Variants in HSCB observed in about 807,000 individuals in gnomAD.
The protein encoded by HSCB is HscB mitochondrial iron-sulfur cluster cochaperone.
A neutral mutation model predicts 31.3 loss-of-function variants in HSCB; 23 were observed. That is an observed-to-expected ratio of 0.74 (90% CI 0.53 to 1.04). HSCB has a LOEUF of 1.04. Among genes scored for constraint, HSCB ranks in the 50% least tolerant of loss-of-function variants. HSCB has a pLI of 0.00. For missense variants in HSCB, 297 were observed against 288.1 expected (o/e 1.03, Z -0.22); for synonymous variants, 110 against 104.5 (o/e 1.05, Z -0.32).
At chr22:28,754,426 T>C (rs1425930731) in intron 5 of HSCB, among the ~76,000 whole-genome samples, 1 of 151,972 alleles carries the variant, frequency 6.6e-6, no homozygotes, top group Non-Finnish European at 1.5e-5. Flanking sequence ...TCCCAGCACT[T>C]TGAGAGACTG....
chr22:28,749,858 T>C (rs1171285448), intron 4 of HSCB, among the ~76,000 whole-genome samples: 1 of 152,094 alleles, frequency 6.6e-6, no homozygotes, highest in Non-Finnish European at 1.5e-5. Context: ...AACAAATGAC[T>C]TCATTCCTCT....
At chr22:28,756,966 A>T in intron 5 of HSCB, 112 bp from the exon 6 acceptor site, 1 of 722,886 alleles carries the variant, frequency 1.4e-6, no homozygotes, top group Non-Finnish European at 2.5e-6. Flanking sequence ...TGAGGAATTG[A>T]TGAGCCCTCC....
At chr22:28,751,449 T>A (rs573372794) in intron 5 of HSCB, among the ~76,000 whole-genome samples, 161 bp downstream of exon 5, 16 of 152,310 alleles carry the variant, frequency 1.1e-4, no homozygotes, top group Non-Finnish European at 7.4e-5. Flanking sequence ...AAAAAATGCC[T>A]TTAAGAATCT....
intron 4 of HSCB, among the ~76,000 whole-genome samples, chr22:28,748,149 C>T (rs1334660022): frequency 1.3e-5 from 2 of 152,188 alleles, no homozygotes; most frequent in Non-Finnish European, 2.9e-5. Flanking sequence ...TGTGCCACTG[C>T]ACTCCAGCCT....
At chr22:28,750,970 A>ATTTTT (rs2030201297) in intron 4 of HSCB, among the ~76,000 whole-genome samples, 1 of 24,740 alleles carries the variant, frequency 4.0e-5, no homozygotes, top group Admixed American at 4.5e-4. Flanking sequence ...TTTTTTTTTT[A>ATTTTT]CTGATTCTAT....
In HSCB at chr22:28,744,478, G is replaced by C; in HGVS notation, c.334-137G>C. 4.7e-6 allele frequency: 3 copies of C among 634,854 alleles called. No homozygotes were observed. In the Admixed American group the frequency reaches 7.6e-5, roughly 16 times the overall value. 39.3% of individuals were successfully genotyped at this position (634,854 alleles called of 1,614,324 possible). ...AAGGCAGGAGGATCACTTGAACGTGGGAGGTGGAGGTTGCAGTGAGCTGAG... is the reference window on the plus strand; with the variant it reads ...AAGGCAGGAGGATCACTTGAACGTGCGAGGTGGAGGTTGCAGTGAGCTGAG... On this transcript the variant is annotated intron_variant, in intron 2 of 5. Coordinates refer to ENST00000216027, the MANE Select transcript of HSCB (RefSeq NM_172002.5).
At chr22:28,743,781 A>G (rs927793221) in intron 1 of HSCB, 101 bp from the exon 2 acceptor site, 4 of 948,538 alleles carry the variant, frequency 4.2e-6, no homozygotes, top group South Asian at 1.3e-5. Context: ...TTAACTGCTT[A>G]TATGTTATTG....
intron 3 of HSCB, 59 bp from the exon 4 acceptor site, chr22:28,745,805 T>G: frequency 7.0e-7 from 1 of 1,434,330 alleles, no homozygotes; most frequent in South Asian, 1.3e-5. Flanking sequence ...ATGAGTAGGA[T>G]TTACATTACT....
intron 2 of HSCB, 62 bp downstream of exon 2, chr22:28,744,040 TTGTGGTTA>T: frequency 8.0e-7 from 1 of 1,243,488 alleles, no homozygotes; most frequent in Non-Finnish European, 1.2e-6. Context: ...GGCAGTAGCC[TTGTGGTTA>T]TGTGATTATC....
chr22:28,744,743 G>T, intron 3 of HSCB, 39 bp downstream of exon 3: 2 of 1,475,164 alleles, frequency 1.4e-6, no homozygotes, highest in Non-Finnish European at 1.9e-6. Context: ...ATGACGTCCT[G>T]ATGCCCATTA....
rs774861213 is a variant in HSCB, at chr22:28,757,131, A to G, written c.670A>G (p.Ile224Val). Residue 224 changes from isoleucine to valine, a missense_variant, in exon 6 of 6, where the codon ATA (isoleucine) becomes GTA (valine). Transcript: ENST00000216027. ...GACAAAGATGAGATACTTTTCAAAT[A>G]TAGAAGAAAAGATCAAGTTAAAGAA... ...ILTKMRYFSN[I>V]EEKIKLKKIP... 1.3e-6 allele frequency: 2 copies of G among 1,569,450 alleles called. No individual in the cohort carries two copies. The highest frequency in any genetic ancestry group is 8.8e-7 in the Non-Finnish European group (1 of 1,139,994).
intron 5 of HSCB, among the ~76,000 whole-genome samples, chr22:28,753,902 T>C (rs947350130): frequency 6.6e-6 from 1 of 151,908 alleles, no homozygotes; most frequent in African/African-American, 2.4e-5. Flanking sequence ...CCTAGCAGTT[T>C]GGGAGGCCAA....
At chr22:28,747,620 A>G (rs1050793495) in intron 4 of HSCB, among the ~76,000 whole-genome samples, 1 of 152,154 alleles carries the variant, frequency 6.6e-6, no homozygotes, top group African/African-American at 2.4e-5. Flanking sequence ...GTGTTTGATC[A>G]AGCAACTGGG....
At chr22:28,746,359 C>T (rs189681514) in intron 4 of HSCB, among the ~76,000 whole-genome samples, 1,700 of 120,174 alleles carry the variant, frequency 0.014, 15 homozygotes, top group Non-Finnish European at 0.022. Flanking sequence ...CCAGCCTGGG[C>T]GACAGAGCGA....
In HSCB at chr22:28,742,069, A is replaced by C. The variant is rs1438540524; in HGVS notation, c.-27A>C. 6.3e-7 allele frequency: 1 copy of C among 1,590,166 alleles called. No homozygotes were observed. The highest frequency in any genetic ancestry group is 1.8e-5 in the Admixed American group (1 of 56,188). On this transcript the variant is annotated 5_prime_UTR_variant, in exon 1 of 6. Coordinates refer to ENST00000216027, the MANE Select transcript of HSCB (RefSeq NM_172002.5). ...CTCTCTTTGCTTTTCCCCACGAGTG[A>C]CCACGGCTAGATAGGCCGCCGGCCA...
At chr22:28,744,804 C>A in intron 3 of HSCB, 100 bp downstream of exon 3, 1 of 928,300 alleles carries the variant, frequency 1.1e-6, no homozygotes. Context: ...TGCTTGAGGT[C>A]AGGCATGGTG....
intron 4 of HSCB, among the ~76,000 whole-genome samples, chr22:28,748,366 C>G (rs1601395270): frequency 1.3e-5 from 2 of 152,314 alleles, no homozygotes; most frequent in East Asian, 3.9e-4. Context: ...TCTACTTTCA[C>G]TGCCACCAGC....
intron 3 of HSCB, among the ~76,000 whole-genome samples, chr22:28,745,022 G>C (rs1245851084): frequency 6.7e-6 from 1 of 149,962 alleles, no homozygotes; most frequent in Non-Finnish European, 1.5e-5. Flanking sequence ...GGTCAAGGCT[G>C]CAGTGAGCTG....
chr22:28,751,618 C>T (rs540604710), intron 5 of HSCB, among the ~76,000 whole-genome samples: 34 of 152,006 alleles, frequency 2.2e-4, no homozygotes, highest in African/African-American at 7.0e-4. Flanking sequence ...GGTGGCACAA[C>T]GCCTGTAGTC....
Sources: gnomAD v4.1 joint callset for allele counts (sites outside exome capture counted in the v4.1 genomes callset) on GRCh38, gnomAD v4.1.1 for gene constraint, MANE v1.5 for transcripts, NCBI Gene and HGNC (gene_info 2026-07-23, HGNC 2026-07-21) for gene names.